The following NEK7 variants were observed in gnomAD, a reference collection of about 807,000 sequenced individuals.
NEK7 encodes the protein NIMA related kinase 7.
A neutral mutation model predicts 44.6 loss-of-function variants in NEK7; 18 were observed. That is an observed-to-expected ratio of 0.40 (90% CI 0.28 to 0.60). NEK7 has a LOEUF of 0.60. Among genes scored for constraint, NEK7 ranks in the 20% least tolerant of loss-of-function variants. The pLI is 0.38. For synonymous variants in NEK7, 130 were observed against 121.1 expected (o/e 1.07, Z -0.48); for missense variants, 256 against 366.5 (o/e 0.70, Z 2.46).
At chr1:198,317,428 T>G (rs923888573) in intron 9 of NEK7, among the ~76,000 whole-genome samples, 1 of 152,212 alleles carries the variant, frequency 6.6e-6, no homozygotes, top group Non-Finnish European at 1.5e-5. Flanking sequence ...TTATTCCCAA[T>G]TCTTGTCTTT....
At position 198,157,138 on chromosome 1, in the gene NEK7, CG is replaced by C. The variant is rs1284597658; in HGVS notation, c.-164del. ...TGCAGCGTCCGCCGGGGCGGCGCGGCGGGAGGTGGCCGACAGGCTCCGGGCC... is the reference window on the plus strand; with the variant it reads ...TGCAGCGTCCGCCGGGGCGGCGCGGCGGAGGTGGCCGACAGGCTCCGGGCC... On this transcript the variant is annotated 5_prime_UTR_variant, in exon 1 of 10. Transcript: ENST00000367385. 6.6e-6 allele frequency: 1 copy of C among 151,668 alleles called. No homozygotes were observed. The highest frequency in any genetic ancestry group is 1.5e-5 in the Non-Finnish European group (1 of 67,920). 9.4% of individuals were successfully genotyped at this position (151,668 alleles called of 1,614,324 possible).
intron 7 of NEK7, among the ~76,000 whole-genome samples, chr1:198,287,760 T>G (rs1188493129): frequency 2.0e-5 from 3 of 152,308 alleles, no homozygotes; most frequent in Non-Finnish European, 4.4e-5. Context: ...CTCTCTGATA[T>G]TGATCCTTGT....
intron 8 of NEK7, among the ~76,000 whole-genome samples, chr1:198,295,087 CAAA>C (rs113475655): frequency 1.7e-5 from 2 of 116,062 alleles, no homozygotes; most frequent in Non-Finnish European, 3.8e-5. Context: ...CCTGAAACCT[CAAA>C]AAAAAAAAAA....
At chr1:198,297,084 G>A (rs756516013) in intron 8 of NEK7, 43 bp from the exon 9 acceptor site, 6 of 1,261,674 alleles carry the variant, frequency 4.8e-6, no homozygotes, top group South Asian at 2.4e-5. Flanking sequence ...CACCTTTTAA[G>A]TTACCATCTA....
At chr1:198,163,509 T>C (rs1664170970) in intron 1 of NEK7, among the ~76,000 whole-genome samples, 1 of 151,628 alleles carries the variant, frequency 6.6e-6, no homozygotes, top group South Asian at 2.1e-4. Flanking sequence ...TGAGACCCTG[T>C]CTCTAAAAAA....
In NEK7 at chr1:198,271,905, TTATA is replaced by T. The variant is rs34354855; in HGVS notation, c.373-6039_373-6036del. Reference sequence around the variant, plus strand: ...TATATATAAATTAAAAATTTATATTTTATATATATATATATATATACACACACAC... The same window carrying T: ...TATATATAAATTAAAAATTTATATTTTATATATATATATATACACACACAC... On this transcript the variant is annotated intron_variant, in intron 5 of 9. Coordinates refer to ENST00000367385, the MANE Select transcript of NEK7 (RefSeq NM_133494.3). 9.3e-3 allele frequency among the ~76,000 whole-genome samples: 1,314 copies of T among 141,366 alleles called. 25 individuals are homozygous for T. The highest frequency in any genetic ancestry group is 0.032 in the African/African-American group (1,232 of 38,612). 92.7% of individuals were successfully genotyped at this position (141,366 alleles called of 152,430 possible).
intron 1 of NEK7, among the ~76,000 whole-genome samples, chr1:198,200,655 A>T (rs1665404008): frequency 6.6e-6 from 1 of 150,700 alleles, no homozygotes; most frequent in Non-Finnish European, 1.5e-5. Flanking sequence ...GCTTCAAGTG[A>T]TTCTCCTGCC....
rs559630541 is a variant in NEK7 at position 198,266,032 on chromosome 1, G to A, written c.372+1797G>A. On this transcript the variant is annotated intron_variant, in intron 5 of 9. Coordinates refer to ENST00000367385, the MANE Select transcript of NEK7 (RefSeq NM_133494.3). ...CCCAGAAATAACCTCTAACCTTTAC[G>A]TGCACAAAACCTTCCCAACTTTACT... Among the ~76,000 whole-genome samples the A allele has an allele frequency of 4.6e-5, 7 of 151,654 alleles. No individual in the cohort carries two copies. In the East Asian group the frequency reaches 5.8e-4, roughly 13 times the overall value.
intron 3 of NEK7, among the ~76,000 whole-genome samples, chr1:198,257,502 T>C (rs1653309030): frequency 6.6e-6 from 1 of 152,206 alleles, no homozygotes; most frequent in Admixed American, 6.5e-5. Flanking sequence ...ATTCGTAACC[T>C]CTGTGGCTCT....
At chr1:198,236,129 C>G (rs1404833641) in intron 2 of NEK7, among the ~76,000 whole-genome samples, 1 of 152,126 alleles carries the variant, frequency 6.6e-6, no homozygotes, top group Non-Finnish European at 1.5e-5. Flanking sequence ...AAGTATCCCT[C>G]TCTATTGAGT....
At chr1:198,268,654 G>A (rs1484663722) in intron 5 of NEK7, among the ~76,000 whole-genome samples, 2 of 152,048 alleles carry the variant, frequency 1.3e-5, no homozygotes, top group African/African-American at 4.8e-5. Flanking sequence ...ATCTTTCTAG[G>A]TTTTCACTTT....
chr1:198,192,592 G>T (rs1665112305), intron 1 of NEK7, among the ~76,000 whole-genome samples: 1 of 152,018 alleles, frequency 6.6e-6, no homozygotes, highest in Non-Finnish European at 1.5e-5. Flanking sequence ...AAATGCAAAA[G>T]AACTGAAATC....
chr1:198,312,309 T>C (rs1655213133), intron 9 of NEK7, among the ~76,000 whole-genome samples: 1 of 150,876 alleles, frequency 6.6e-6, no homozygotes, highest in Admixed American at 6.6e-5. Context: ...TTTTATTGCA[T>C]CTATTTGATT....
chr1:198,165,767 T>G (rs1478555188), intron 1 of NEK7, among the ~76,000 whole-genome samples: 1 of 152,210 alleles, frequency 6.6e-6, no homozygotes, highest in African/African-American at 2.4e-5. Context: ...TCTTGAAGCT[T>G]TGAAGCCAGG....
At chr1:198,279,986 A>G (rs6665857) in intron 7 of NEK7, among the ~76,000 whole-genome samples, 30,135 of 151,980 alleles carry the variant, frequency 0.2, 3,572 homozygotes, top group African/African-American at 0.32. Context: ...TAGAAAGATA[A>G]TGCTTTGCAT....
intron 5 of NEK7, among the ~76,000 whole-genome samples, chr1:198,264,869 A>T (rs185638022): frequency 4.6e-5 from 7 of 152,188 alleles, no homozygotes; most frequent in Admixed American, 4.6e-4. Context: ...TTTCTAAAAA[A>T]CACAGTAATA....
chr1:198,311,299 A>T (rs1247973944), intron 9 of NEK7, among the ~76,000 whole-genome samples: 1 of 105,198 alleles, frequency 9.5e-6, no homozygotes, highest in South Asian at 4.2e-4. Flanking sequence ...GTATCCTGAG[A>T]CTTTGCTAAG....
At chr1:198,259,854 C>T (rs1055538225) in intron 3 of NEK7, among the ~76,000 whole-genome samples, 2 of 152,084 alleles carry the variant, frequency 1.3e-5, no homozygotes, top group African/African-American at 4.8e-5. Context: ...GGGCATTACG[C>T]ATTCCTGCTT....
In NEK7 at chr1:198,319,476, T is replaced by C; in HGVS notation, c.863T>C (p.Val288Ala). 6.2e-7 allele frequency: 1 copy of C among 1,613,276 alleles called. No individual in the cohort carries two copies. The highest frequency in any genetic ancestry group is 8.5e-7 in the Non-Finnish European group (1 of 1,179,440). Reference sequence around the variant, plus strand: ...GAGAAGCGACCAGACGTCACCTATGTTTATGACGTAGCAAAGAGGATGCAT... The same window carrying C: ...GAGAAGCGACCAGACGTCACCTATGCTTATGACGTAGCAAAGAGGATGCAT... Reference protein sequence around the residue: ...DPEKRPDVTYVYDVAKRMHAC... With the variant: ...DPEKRPDVTYAYDVAKRMHAC... Residue 288 changes from valine (V) to alanine (A), a missense_variant, in exon 10 of 10, where the codon GTT becomes GCT. Physicochemically the swap from Val to Ala is moderately conservative, Grantham distance 64 (BLOSUM62 0). This residue lies in a region of NEK7 where 58 missense variants were observed against 66.5 expected (regional missense o/e 0.87). Transcript: ENST00000367385.
Sources: allele counts gnomAD v4.1 joint callset (sites outside exome capture counted in the v4.1 genomes callset), GRCh38; gene constraint gnomAD v4.1.1; regional missense constraint gnomAD v4.1.1; transcripts MANE v1.5; gene names NCBI Gene and HGNC (gene_info 2026-07-23, HGNC 2026-07-21).